HECW1: variants seen among roughly 807,000 people sequenced by gnomAD.
The protein encoded by HECW1 is HECT, C2 and WW domain containing E3 ubiquitin protein ligase 1.
In HECW1, 61 loss-of-function variants were observed where a neutral mutation model predicts 182.3. That is an observed-to-expected ratio of 0.33 (90% confidence interval 0.27 to 0.41). The LOEUF is 0.41. HECW1 is among the 10% of genes least tolerant of loss of function. HECW1 has a pLI of 1.00. For synonymous variants in HECW1, 859 were observed against 832.6 expected, an observed-to-expected ratio of 1.03 and a Z score of -0.55; for missense variants, 1,739 against 2,108.9, an observed-to-expected ratio of 0.82 and a Z score of 3.44.
intron 5 of HECW1, among the ~76,000 whole-genome samples, chr7:43,333,404 C>T (rs1292416528): frequency 6.6e-6 from 1 of 152,162 alleles, no homozygotes; most frequent in Non-Finnish European, 1.5e-5. Flanking sequence ...AATCCAGAAT[C>T]GCCCCTGTTT....
At chr7:43,220,462 A>G (rs1253349570) in intron 2 of HECW1, among the ~76,000 whole-genome samples, 1 of 152,228 alleles carries the variant, frequency 6.6e-6, no homozygotes, top group Non-Finnish European at 1.5e-5. Context: ...TCCAGAGATC[A>G]GGCTGATGTC....
In HECW1 at chr7:43,454,797, A is replaced by G. The variant is rs143258274; in HGVS notation, c.2501-1500A>G. Reference sequence around the variant, plus strand: ...ACCTGAATGATAAGTTTTCAATGAAACTGTTAGTATCTGACCTACTCCCGA... The same window carrying G: ...ACCTGAATGATAAGTTTTCAATGAAGCTGTTAGTATCTGACCTACTCCCGA... On this transcript the variant is annotated intron_variant, in intron 12 of 29. Transcript: ENST00000395891. Among the ~76,000 whole-genome samples the G allele has an allele frequency of 3.3e-3, 508 of 152,380 alleles. 6 individuals are homozygous for G. The highest frequency in any genetic ancestry group is 0.012 in the African/African-American group (494 of 41,582).
chr7:43,246,170 G>C (rs1799363822), intron 3 of HECW1, among the ~76,000 whole-genome samples: 1 of 152,060 alleles, frequency 6.6e-6, no homozygotes, highest in Admixed American at 6.5e-5. Flanking sequence ...GGGCATGATG[G>C]TGTGTGCCTG....
intron 3 of HECW1, among the ~76,000 whole-genome samples, chr7:43,246,183 G>A (rs752740445): frequency 1.5e-4 from 23 of 152,038 alleles, no homozygotes; most frequent in Non-Finnish European, 2.8e-4. Context: ...TGTGCCTGTA[G>A]TCCCAGCTAC....
At position 43,194,869 on chromosome 7, in the gene HECW1, T is replaced by C. The variant is rs1794289553; in HGVS notation, c.-31-49006T>C. 2.0e-5 allele frequency among the ~76,000 whole-genome samples: 3 copies of C among 152,190 alleles called. No individual in the cohort carries two copies. In the South Asian group the frequency reaches 6.2e-4, roughly 32 times the overall value. ...CCCCCACACCTGGCTACTTTTTGTA[T>C]TTTTAGTAGAGACAGGGTTTCACCA... On this transcript the variant is annotated intron_variant, in intron 2 of 29. Transcript: ENST00000395891.
rs1000572806 is a variant in HECW1, at chr7:43,376,002, T to TAA, written c.555+15023_555+15024dup. Among the ~76,000 whole-genome samples the TAA allele has an allele frequency of 6.7e-5, 10 of 149,780 alleles. 1 individual carries two copies. The East Asian group carries it at 1.9e-3, about 29-fold the overall frequency. ...AATTACTGGTTGAGGTGCATATATA[T>TAA]AATCATATATATATATATGAAATAT... On this transcript the variant is annotated intron_variant, in intron 6 of 29. Coordinates refer to ENST00000395891, the MANE Select transcript of HECW1 (RefSeq NM_015052.5).
At chr7:43,197,256 C>T (rs951386022) in intron 2 of HECW1, among the ~76,000 whole-genome samples, 2 of 152,042 alleles carry the variant, frequency 1.3e-5, no homozygotes, top group African/African-American at 4.8e-5. Flanking sequence ...GTGGGGGTCA[C>T]AGTCTTACCA....
At chr7:43,469,594 G>A in intron 16 of HECW1, among the ~76,000 whole-genome samples, 1 of 152,260 alleles carries the variant, frequency 6.6e-6, no homozygotes, top group East Asian at 1.9e-4. Context: ...AGCAGGGTGG[G>A]GTGTGCTAGG....
At chr7:43,342,257 G>A (rs1280672671) in intron 5 of HECW1, among the ~76,000 whole-genome samples, 2 of 151,702 alleles carry the variant, frequency 1.3e-5, no homozygotes, top group African/African-American at 2.4e-5. Context: ...CCTCGTCAAT[G>A]AACATTATTT....
intron 13 of HECW1, among the ~76,000 whole-genome samples, chr7:43,459,096 C>T (rs2077494712): frequency 6.6e-6 from 1 of 152,204 alleles, no homozygotes; most frequent in Non-Finnish European, 1.5e-5. Context: ...CCACCTGCCT[C>T]CCACCTGAAA....
At chr7:43,180,161 A>G (rs1486620252) in intron 2 of HECW1, among the ~76,000 whole-genome samples, 1 of 118,918 alleles carries the variant, frequency 8.4e-6, no homozygotes, top group East Asian at 3.6e-4. Flanking sequence ...TGGGGACATC[A>G]CCAACTTATA....
At chr7:43,145,427 C>T (rs948884206) in intron 2 of HECW1, among the ~76,000 whole-genome samples, 3 of 152,200 alleles carry the variant, frequency 2.0e-5, no homozygotes, top group Admixed American at 6.5e-5. Context: ...TCCTGAGTAG[C>T]TGGGACCACA....
chr7:43,562,402 A>G lies in HECW1; in HGVS notation c.*476A>G, dbSNP rs1442883065. ...CAACTCCAGAACTAGGAGCTGATCA[A>G]CTCTTTGTTTTCCTCTCCATCTACT... On this transcript the variant is annotated 3_prime_UTR_variant, in exon 30 of 30. Coordinates refer to ENST00000395891, the MANE Select transcript of HECW1 (RefSeq NM_015052.5). The G allele has an allele frequency of 1.3e-5, 3 of 229,110 alleles. No homozygotes were observed. Among genetic ancestry groups the G allele is most frequent in the African/African-American group, 4.4e-5 (2 of 44,988 alleles). 14.2% of individuals were successfully genotyped at this position (229,110 alleles called of 1,614,324 possible). A position where few individuals can be genotyped will look rare whatever the true frequency, so the allele number is the denominator to read the frequency against.
At chr7:43,342,170 A>C (rs1813085331) in intron 5 of HECW1, among the ~76,000 whole-genome samples, 1 of 151,850 alleles carries the variant, frequency 6.6e-6, no homozygotes, top group Admixed American at 6.5e-5. Flanking sequence ...AGGTAATATC[A>C]GTTTTTAAAT....
intron 17 of HECW1, among the ~76,000 whole-genome samples, chr7:43,485,808 A>G (rs992105170): frequency 5.9e-5 from 9 of 152,218 alleles, no homozygotes; most frequent in African/African-American, 1.9e-4. Context: ...GGCCTAGGAC[A>G]TTACTGTACA....
chr7:43,235,277 C>T (rs546339746), intron 2 of HECW1, among the ~76,000 whole-genome samples: 1 of 152,198 alleles, frequency 6.6e-6, no homozygotes, highest in Non-Finnish European at 1.5e-5. Context: ...GGAGTGGCCA[C>T]AGCAGGAGGA....
intron 29 of HECW1, among the ~76,000 whole-genome samples, chr7:43,560,728 G>A (rs1192941391): frequency 6.6e-6 from 1 of 152,240 alleles, no homozygotes; most frequent in African/African-American, 2.4e-5. Flanking sequence ...TAGGGATCTT[G>A]TAATGAAAAG....
chr7:43,327,989 T>TATC (rs1474923878), intron 5 of HECW1, among the ~76,000 whole-genome samples: 3 of 145,786 alleles, frequency 2.1e-5, no homozygotes, highest in South Asian at 2.2e-4. Context: ...TTATTATTAT[T>TATC]ATCATTATTA....
intron 2 of HECW1, among the ~76,000 whole-genome samples, chr7:43,204,644 C>T (rs992111314): frequency 6.6e-6 from 1 of 152,104 alleles, no homozygotes; most frequent in African/African-American, 2.4e-5. Context: ...AGTACTACTG[C>T]AGTAAGGAAG....
Sources: gnomAD v4.1 joint callset for allele counts (sites outside exome capture counted in the v4.1 genomes callset) on GRCh38, gnomAD v4.1.1 for gene constraint, MANE v1.5 for transcripts, NCBI Gene and HGNC (gene_info 2026-07-23, HGNC 2026-07-21) for gene names.